DDX19A: variants seen among roughly 807,000 people sequenced by gnomAD.
The protein encoded by DDX19A is DEAD-box helicase 19A.
A neutral mutation model predicts 60.6 loss-of-function variants in DDX19A; 12 were observed. The ratio of observed to expected loss-of-function variants is 0.20; its 90% CI spans 0.13 to 0.32. The LOEUF is 0.32. Among genes scored for constraint, DDX19A ranks in the 10% least tolerant of loss-of-function variants. The pLI is 1.00. For synonymous variants in DDX19A, 206 were observed against 218.2 expected (o/e 0.94, Z 0.49); for missense variants, 337 against 600.6 (o/e 0.56, Z 4.59).
Position 70,369,205 on chromosome 16 carries a change from G to T in DDX19A, c.1021-1018G>T, listed in dbSNP as rs544007861. ...TTTTTTTTTTTTTTTTTTTGAAACG[G>T]AATCTCGCCTCTTGCCCAGGCTGGA... On this transcript the variant is annotated intron_variant, in intron 9 of 11. Transcript: ENST00000302243. 1.4e-4 allele frequency among the ~76,000 whole-genome samples: 16 copies of T among 116,324 alleles called. 2 individuals are homozygous for T. In the South Asian group the frequency reaches 4.2e-3, roughly 31 times the overall value. The allele number at this position is 116,324 out of a possible 152,430, so 76.3% of individuals were successfully genotyped here.
In DDX19A at chr16:70,362,928, C is replaced by T. The variant is rs1001415224; in HGVS notation, c.386+1418C>T. ...GCTAGGGAGGCTGAGGTGGGAGGATCGCTTGAACCCAGGAAACAGAGGTTG... is the reference window on the plus strand; with the variant it reads ...GCTAGGGAGGCTGAGGTGGGAGGATTGCTTGAACCCAGGAAACAGAGGTTG... On this transcript the variant is annotated intron_variant, in intron 5 of 11. Coordinates refer to ENST00000302243, the MANE Select transcript of DDX19A (RefSeq NM_018332.5). 1.0e-4 allele frequency among the ~76,000 whole-genome samples: 15 copies of T among 150,726 alleles called. No individual in the cohort carries two copies. In the South Asian group the frequency reaches 1.9e-3, roughly 19 times the overall value.
At chr16:70,355,360 G>A in intron 2 of DDX19A, 125 bp from the exon 3 acceptor site, 1 of 734,266 alleles carries the variant, frequency 1.4e-6, no homozygotes, top group Non-Finnish European at 2.2e-6. Context: ...TGGGCTACAA[G>A]AGGAAAACTC....
At chr16:70,358,566 G>A (rs939236202) in intron 4 of DDX19A, among the ~76,000 whole-genome samples, 16 of 151,818 alleles carry the variant, frequency 1.1e-4, no homozygotes, top group African/African-American at 3.6e-4. Context: ...ACTTTAGGTC[G>A]GGCACGGTGG....
At position 70,363,087 on chromosome 16, in the gene DDX19A, A is replaced by G. The variant is rs959649784; in HGVS notation, c.387-1456A>G. Among the ~76,000 whole-genome samples the G allele has an allele frequency of 1.7e-4, 26 of 151,838 alleles. 1 individual carries two copies. The highest frequency in any genetic ancestry group is 1.6e-3 in the Admixed American group (25 of 15,234). ...GGCTGGTCTCAAACTCCTGGCCTCAAGTGATTCTCCAGCCTCAGCCTCCCA... is the reference window on the plus strand; with the variant it reads ...GGCTGGTCTCAAACTCCTGGCCTCAGGTGATTCTCCAGCCTCAGCCTCCCA... On this transcript the variant is annotated intron_variant, in intron 5 of 11. Transcript: ENST00000302243.
rs1964470939 is a variant in DDX19A at position 70,364,909 on chromosome 16, C to A, written c.490-108C>A. The A allele has an allele frequency of 8.2e-6, 7 of 857,964 alleles. No homozygotes were observed. The East Asian group carries it at 1.5e-4, about 18-fold the overall frequency. The allele number at this position is 857,964 out of a possible 1,614,324, so 53.1% of individuals were successfully genotyped here. A position where few individuals can be genotyped will look rare whatever the true frequency, so the allele number is the denominator to read the frequency against. On this transcript the variant is annotated intron_variant, in intron 6 of 11. Coordinates refer to ENST00000302243, the MANE Select transcript of DDX19A (RefSeq NM_018332.5). Reference sequence around the variant, plus strand: ...TGAAAGGTGGGCCTGGATGGGAGGACATGCTTCCCTGTGCTATTCAAGTGC... The same window carrying A: ...TGAAAGGTGGGCCTGGATGGGAGGAAATGCTTCCCTGTGCTATTCAAGTGC...
chr16:70,352,857 C>T (rs111234752), intron 2 of DDX19A, among the ~76,000 whole-genome samples: 3 of 150,788 alleles, frequency 2.0e-5, no homozygotes, highest in South Asian at 2.1e-4. Flanking sequence ...AGGCTGGTCT[C>T]GAACTCCTGA....
chr16:70,351,392 A>G (rs1964012605), intron 2 of DDX19A, among the ~76,000 whole-genome samples: 2 of 151,372 alleles, frequency 1.3e-5, no homozygotes, highest in South Asian at 4.2e-4. Flanking sequence ...TTTTTAGTAG[A>G]GGCGGGGCTT....
intron 10 of DDX19A, chr16:70,371,089 G>C: frequency 1.7e-6 from 1 of 572,510 alleles, no homozygotes; most frequent in Non-Finnish European, 3.1e-6. Context: ...GACTGGTAGA[G>C]AACGGAGCCT....
chr16:70,370,139 C>T, intron 9 of DDX19A, 84 bp from the exon 10 acceptor site: 7 of 1,491,718 alleles, frequency 4.7e-6, no homozygotes, highest in Non-Finnish European at 6.2e-6. Flanking sequence ...TTTAGATCAC[C>T]CTGAGTGACA....
chr16:70,362,413 AAAAC>A (rs1197389490), intron 5 of DDX19A, among the ~76,000 whole-genome samples: 3 of 152,098 alleles, frequency 2.0e-5, no homozygotes, highest in Non-Finnish European at 4.4e-5. Context: ...AATAAATTCA[AAAAC>A]AAACAAAATA....
intron 10 of DDX19A, chr16:70,371,031 G>A (rs999302364): frequency 1.2e-5 from 5 of 400,990 alleles, no homozygotes; most frequent in Admixed American, 4.2e-5. Flanking sequence ...AGGAACTCCC[G>A]CAGAAACCAG....
intron 4 of DDX19A, among the ~76,000 whole-genome samples, chr16:70,358,662 G>A (rs1271066972): frequency 6.6e-6 from 1 of 152,036 alleles, no homozygotes. Context: ...TGGTCAAAAT[G>A]ATGAAACCCC....
chr16:70,366,644 A>C lies in DDX19A; in HGVS notation c.803A>C (p.Gln268Pro). ...TGCAGGATGCTGCCCAGGAACTGCC[A>C]GATGCTGCTTTTCTCCGCCACCTTT... Reference protein sequence around the residue: ...RIQRMLPRNCQMLLFSATFED... With the variant: ...RIQRMLPRNCPMLLFSATFED... The change falls in exon 9 of 12, where the codon CAG (glutamine) becomes CCG (proline). Residue 268 changes from glutamine to proline, a missense_variant. By Grantham distance (76) the Gln-to-Pro change is moderately conservative (BLOSUM62 -1). Coordinates refer to ENST00000302243, the MANE Select transcript of DDX19A (RefSeq NM_018332.5). 1 of 1,614,218 alleles carries C rather than the reference A, an allele frequency of 6.2e-7. No homozygotes were observed. The highest frequency in any genetic ancestry group is 8.5e-7 in the Non-Finnish European group (1 of 1,180,040).
chr16:70,365,883 G>A, intron 7 of DDX19A: 1 of 691,646 alleles, frequency 1.4e-6, no homozygotes, highest in African/African-American at 1.8e-5. Context: ...TGTGGGATTT[G>A]ATCCTGACCA....
At chr16:70,356,590 TCA>T (rs1964193399) in intron 4 of DDX19A, among the ~76,000 whole-genome samples, 1 of 152,008 alleles carries the variant, frequency 6.6e-6, no homozygotes, top group South Asian at 2.1e-4. Context: ...ACTCCTGACC[TCA>T]GGTGATCTGC....
At position 70,365,085 on chromosome 16, in the gene DDX19A, A is replaced by T; in HGVS notation, c.558A>T (p.Lys186Asn). ...GAAAAGTGATTGAGCAGATGGGCAA[A>T]TTTTACCCAGAACTGAAGCTTGCCT... The part of the protein sequence containing the change: ...QTGKVIEQMG[K>N]FYPELKLAYA... Residue 186 changes from lysine (K) to asparagine (N), a missense_variant, in exon 7 of 12, where the codon AAA (lysine) becomes AAT (asparagine). Coordinates refer to ENST00000302243, the MANE Select transcript of DDX19A (RefSeq NM_018332.5). 1 of 1,614,146 alleles carries T rather than the reference A, an allele frequency of 6.2e-7. No homozygotes were observed. The highest frequency in any genetic ancestry group is 8.5e-7 in the Non-Finnish European group (1 of 1,180,010).
At chr16:70,350,445 A>G (rs1963976301) in intron 1 of DDX19A, 112 bp from the exon 2 acceptor site, 5 of 660,640 alleles carry the variant, frequency 7.6e-6, no homozygotes, top group South Asian at 6.3e-5. Flanking sequence ...CTCCCTGAAT[A>G]CTGGTGCTGA....
Position 70,355,471 on chromosome 16 carries a change from GT to G in DDX19A, c.107-10del, listed in dbSNP as rs781248759. 7 of 1,606,756 alleles carry G rather than the reference GT, an allele frequency of 4.4e-6. No homozygotes were observed. In the African/African-American group the frequency reaches 8.0e-5, roughly 18 times the overall value. ...ATTTGCCTTTCTAATTATGACAATT[GT>G]TTTCTTGTGTAGGTATTATCAAAAC... On this transcript the variant is annotated splice_polypyrimidine_tract_variant and intron_variant, in intron 2 of 11. Coordinates refer to ENST00000302243, the MANE Select transcript of DDX19A (RefSeq NM_018332.5).
At chr16:70,367,932 T>C (rs1002772568) in intron 9 of DDX19A, among the ~76,000 whole-genome samples, 1 of 151,016 alleles carries the variant, frequency 6.6e-6, no homozygotes, top group African/African-American at 2.4e-5. Context: ...TCCCAACACC[T>C]TTGGAGGCCA....
Sources: allele counts gnomAD v4.1 joint callset (sites outside exome capture counted in the v4.1 genomes callset), GRCh38; gene constraint gnomAD v4.1.1; transcripts MANE v1.5; gene names NCBI Gene and HGNC (gene_info 2026-07-23, HGNC 2026-07-21).